The following LOC400499 variants were observed in gnomAD, a reference collection of about 807,000 sequenced individuals.
chr16:11,432,302 G>A, the LOC400499 span, among the ~76,000 whole-genome samples: 23 of 152,334 alleles, frequency 1.5e-4, 1 homozygote, highest in East Asian at 2.9e-3. Context: ...CAAAATGGTT[G>A]TTCTTTAATC....
At chr16:11,511,868 A>T in the LOC400499 span, among the ~76,000 whole-genome samples, 1 of 151,960 alleles carries the variant, frequency 6.6e-6, no homozygotes, top group Non-Finnish European at 1.5e-5. Flanking sequence ...TTCTACAAAA[A>T]ATTTAAAAAA....
the LOC400499 span, among the ~76,000 whole-genome samples, chr16:11,517,389 C>G: frequency 6.6e-6 from 1 of 152,172 alleles, no homozygotes; most frequent in South Asian, 2.1e-4. Context: ...CAGTTTATTT[C>G]TAGACACAGC....
the LOC400499 span, among the ~76,000 whole-genome samples, chr16:11,504,219 C>G: frequency 6.6e-6 from 1 of 152,186 alleles, no homozygotes; most frequent in African/African-American, 2.4e-5. Context: ...CAGATCTAGG[C>G]AGGCTACGGA....
At chr16:11,375,038 G>A in the LOC400499 span, among the ~76,000 whole-genome samples, 1 of 151,902 alleles carries the variant, frequency 6.6e-6, no homozygotes, top group African/African-American at 2.4e-5. Flanking sequence ...AGTAGAGATG[G>A]GGTTTCACCA....
At chr16:11,460,824 G>T in the LOC400499 span, 13 of 1,253,628 alleles carry the variant, frequency 1.0e-5, no homozygotes, top group African/African-American at 3.0e-5. Flanking sequence ...CAGGTATTCA[G>T]TCCTACTCAG....
the LOC400499 span, chr16:11,402,024 C>G: frequency 2.5e-6 from 1 of 399,066 alleles, no homozygotes; most frequent in Non-Finnish European, 4.4e-6. Context: ...CACCTTCCGG[C>G]CCTGACACTT....
chr16:11,516,498 TCTGAGCCACCCCAGCC>T, the LOC400499 span, among the ~76,000 whole-genome samples: 1 of 152,070 alleles, frequency 6.6e-6, no homozygotes, highest in Admixed American at 6.5e-5. Flanking sequence ...CCAACTCTGC[TCTGAGCCACCCCAGCC>T]TTTTCACCCC....
the LOC400499 span, chr16:11,385,517 G>A: frequency 2.0e-4 from 157 of 799,684 alleles, no homozygotes; most frequent in Admixed American, 2.6e-4. Context: ...TAGAGCTTTG[G>A]CTTAGCCTGC....
the LOC400499 span, among the ~76,000 whole-genome samples, chr16:11,509,625 G>C: frequency 1.3e-5 from 2 of 151,836 alleles, no homozygotes; most frequent in African/African-American, 4.8e-5. Context: ...GAGGTCAGGA[G>C]TTCGAGACCA....
chr16:11,393,669 A>G, the LOC400499 span: 3 of 937,816 alleles, frequency 3.2e-6, no homozygotes, highest in South Asian at 1.7e-4. Context: ...CTGCTGTTGG[A>G]CCTGTAGGGA....
the LOC400499 span, among the ~76,000 whole-genome samples, chr16:11,448,420 T>A: frequency 6.6e-6 from 1 of 152,218 alleles, no homozygotes; most frequent in Non-Finnish European, 1.5e-5. Flanking sequence ...GGCTCATGCC[T>A]GTAATCCCAA....
chr16:11,478,599 G>A, the LOC400499 span: 13 of 398,932 alleles, frequency 3.3e-5, no homozygotes, highest in East Asian at 1.4e-4. Context: ...CCGTGGCCCC[G>A]CAGTTCACAA....
the LOC400499 span, among the ~76,000 whole-genome samples, chr16:11,426,301 T>C: frequency 2.6e-5 from 4 of 152,148 alleles, no homozygotes; most frequent in Non-Finnish European, 4.4e-5. Flanking sequence ...CCAGGTGTGG[T>C]GGCGCATGCC....
At chr16:11,377,383 G>C in the LOC400499 span, among the ~76,000 whole-genome samples, 1 of 152,172 alleles carries the variant, frequency 6.6e-6, no homozygotes, top group Non-Finnish European at 1.5e-5. Flanking sequence ...TATGAAAGCA[G>C]GCATCATTGT....
chr16:11,430,027 A>T, the LOC400499 span, among the ~76,000 whole-genome samples: 22 of 152,306 alleles, frequency 1.4e-4, no homozygotes, highest in African/African-American at 5.1e-4. Flanking sequence ...GATCAAAGCT[A>T]ATGTCACCAA....
At chr16:11,464,159 G>GT in the LOC400499 span, among the ~76,000 whole-genome samples, 10 of 45,286 alleles carry the variant, frequency 2.2e-4, no homozygotes, top group African/African-American at 9.2e-4. Context: ...ATGTGTATGT[G>GT]TATGGACATG....
At chr16:11,392,101 G>A in the LOC400499 span, 5 of 399,090 alleles carry the variant, frequency 1.3e-5, no homozygotes, top group Admixed American at 1.3e-4. Flanking sequence ...TGCAATCCTG[G>A]ACTGTGAGGA....
chr16:11,394,763 G>A, the LOC400499 span, among the ~76,000 whole-genome samples: 1 of 152,196 alleles, frequency 6.6e-6, no homozygotes, highest in Non-Finnish European at 1.5e-5. Flanking sequence ...CTGGTGTGAT[G>A]CCACCACAGC....
the LOC400499 span, among the ~76,000 whole-genome samples, chr16:11,515,189 T>C: frequency 6.6e-6 from 1 of 152,040 alleles, no homozygotes; most frequent in African/African-American, 2.4e-5. Flanking sequence ...TGTGTGCCTG[T>C]AGTCCCAGCT....
Sources: gnomAD v4.1 joint callset for allele counts (sites outside exome capture counted in the v4.1 genomes callset) on GRCh38, gnomAD v4.1.1 for gene constraint, MANE v1.5 for transcripts.